FLG: variants seen among roughly 807,000 people sequenced by gnomAD.
FLG encodes the protein epidermal filaggrin.
FLG carries 6 observed loss-of-function variants against 3.8 expected under a neutral mutation model. That is an observed-to-expected ratio of 1.60 (90% CI 0.87 to 3.15). The LOEUF is 3.15. Ranked by LOEUF, FLG falls within the 30% of genes most tolerant of loss-of-function variation. The pLI is 0.00. For missense variants in FLG, 7,595 were observed against 5,050.9 expected (o/e 1.50, Z -15.27); for synonymous variants, 2,551 against 1,931.6 (o/e 1.32, Z -8.41).
Position 152,303,248 on chromosome 1 carries a change from A to G in FLG, c.11638T>C (p.Ser3880Pro), listed in dbSNP as rs746717840. The G allele has an allele frequency of 6.2e-7, 1 of 1,614,000 alleles. No individual in the cohort carries two copies. The highest frequency in any genetic ancestry group is 8.5e-7 in the Non-Finnish European group (1 of 1,179,994). Reference sequence around the variant, plus strand: ...TGATGGTTTCTGGAAGCAGACTCAGATCGCCTCTCAGAGTCCTCTGGGTAT... The same window carrying G: ...TGATGGTTTCTGGAAGCAGACTCAGGTCGCCTCTCAGAGTCCTCTGGGTAT... The part of the protein sequence containing the change: ...EAYPEDSERR[S>P]ESASRNHHGS... The change falls in exon 3 of 3, where the codon TCT becomes CCT. Residue 3880 changes from serine (S) to proline (P), a missense_variant. Transcript: ENST00000368799.
chr1:152,311,705 T>C lies in FLG; in HGVS notation c.3181A>G (p.Ser1061Gly). The change falls in exon 3 of 3, where the codon AGT becomes GGT. Residue 1061 changes from serine (S) to glycine (G), a missense_variant. Transcript: ENST00000368799. ...CTACCACTGGACCCCCAGTGTCCAC[T>C]GTCTCTGACTGCAGATGAAGCTTGT... Reference protein sequence around the residue: ...RRQASSAVRDSGHWGSSGSQA... With the variant: ...RRQASSAVRDGGHWGSSGSQA... The C allele has an allele frequency of 1.9e-6, 3 of 1,614,132 alleles. No homozygotes were observed. Among genetic ancestry groups the C allele is most frequent in the Non-Finnish European group, 2.5e-6 (3 of 1,180,020 alleles).
Position 152,303,031 on chromosome 1 carries a change from C to A in FLG, c.11855G>T (p.Ser3952Ile). The change falls in exon 3 of 3, where the codon AGT becomes ATT. Residue 3952 changes from serine (S) to isoleucine (I), a missense_variant. Transcript: ENST00000368799. ...AGATTGATAATGATAAGAACTAGAA[C>A]TGTGAGGACTGCCACGTGACTGTAT... ...SGIQSRGSPH[S>I]SSSYHYQSEG... 1 of 1,614,180 alleles carries A rather than the reference C, an allele frequency of 6.2e-7. No individual in the cohort carries two copies. Among genetic ancestry groups the A allele is most frequent in the Non-Finnish European group, 8.5e-7 (1 of 1,180,042 alleles).
rs747128121 is a variant in FLG, at chr1:152,313,272, C to T, written c.1614G>A (p.Arg538=). ...TGTGATGGGAACCTGAGTGTCCAGA[C>T]CTATTTACCGATTGCTCGTGGTGGG... is the stretch of plus-strand genomic sequence containing the variant. ...QGSHHEQSVN[R]SGHSGSHHSH... The change falls in exon 3 of 3, where the codon AGG becomes AGA. Residue 538 remains arginine, a synonymous_variant. Coordinates refer to ENST00000368799, the MANE Select transcript of FLG (RefSeq NM_002016.2). 1.9e-6 allele frequency: 3 copies of T among 1,613,834 alleles called. No individual in the cohort carries two copies. The highest frequency in any genetic ancestry group is 1.1e-5 in the South Asian group (1 of 91,052).
chr1:152,307,289 G>A lies in FLG; in HGVS notation c.7597C>T (p.Arg2533Cys), dbSNP rs373225696. The A allele has an allele frequency of 3.4e-5, 55 of 1,613,206 alleles. 1 individual carries two copies. In the Admixed American group the frequency reaches 6.7e-4, roughly 20 times the overall value. Residue 2533 changes from arginine (R) to cysteine (C), a missense_variant, in exon 3 of 3, where the codon CGT becomes TGT. Arg to Cys is a radical substitution (Grantham distance 180). Coordinates refer to ENST00000368799, the MANE Select transcript of FLG (RefSeq NM_002016.2). ...GCCCGAGAGGAAGCTTCATGGTGAC[G>A]CGACCCTGAGTGCCTGGAGCCGTCT... ...SGDGSRHSGS[R>C]HHEASSRADS... is the part of the protein sequence containing the mutation.
At position 152,313,747 on chromosome 1, in the gene FLG, G is replaced by C. The variant is rs766801929; in HGVS notation, c.1139C>G (p.Pro380Arg). Residue 380 changes from proline (P) to arginine (R), a missense_variant, in exon 3 of 3, where the codon CCA (proline) becomes CGA (arginine). Physicochemically the swap from Pro to Arg is moderately radical, Grantham distance 103. Transcript: ENST00000368799. Reference protein sequence around the residue: ...ASSHEQARSSPGERHGSGHQQ... With the variant: ...ASSHEQARSSRGERHGSGHQQ... ...GTGGCCGGATCCATGTCTTTCTCCT[G>C]GACTTGATCTTGCCTGTTCATGGGA... The C allele has an allele frequency of 3.7e-6, 6 of 1,614,086 alleles. No individual in the cohort carries two copies. The South Asian group carries it at 6.6e-5, about 18-fold the overall frequency.
In FLG at chr1:152,302,805, A is replaced by G; in HGVS notation, c.12081T>C (p.Tyr4027=). ...GGTCCTTATTAATATACGTTGCATAATACCTTGGATGATCTTTACCAAACG... is the reference window on the plus strand; with the variant it reads ...GGTCCTTATTAATATACGTTGCATAGTACCTTGGATGATCTTTACCAAACG... The part of the protein sequence containing the change: ...ASAFGKDHPR[Y]YATYINKDPG... Residue 4027 remains tyrosine, a synonymous_variant, in exon 3 of 3, where the codon TAT becomes TAC. Transcript: ENST00000368799. 2 of 1,614,204 alleles carry G rather than the reference A, an allele frequency of 1.2e-6. No homozygotes were observed. The highest frequency in any genetic ancestry group is 1.1e-5 in the South Asian group (1 of 91,072).
Position 152,313,063 on chromosome 1 carries a change from G to C in FLG, c.1823C>G (p.Ser608Ter). Residue 608 changes from serine (S) to a stop codon, truncating the protein, a stop_gained, in exon 3 of 3, where the codon TCA becomes TGA. Transcript: ENST00000368799. LOFTEE classifies it low-confidence loss of function (END_TRUNC). ...SRHSQVGQGQ[S>*]SGPRTSRNQG... ...GTTCCTACTTGTCCTGGGCCCCGATGATTGTCCCTGGCCCACCTGTGAGTG... is the reference window on the plus strand; with the variant it reads ...GTTCCTACTTGTCCTGGGCCCCGATCATTGTCCCTGGCCCACCTGTGAGTG... 3.1e-6 allele frequency: 5 copies of C among 1,613,968 alleles called. No homozygotes were observed. Among genetic ancestry groups the C allele is most frequent in the Non-Finnish European group, 4.2e-6 (5 of 1,180,012 alleles).
rs984913795 is a variant in FLG, at chr1:152,312,298, C to G, written c.2588G>C (p.Arg863Thr). Residue 863 changes from arginine to threonine, a missense_variant, in exon 3 of 3, where the codon AGG (arginine) becomes ACG (threonine). Physicochemically the swap from Arg to Thr is moderately conservative, Grantham distance 71. Transcript: ENST00000368799. Reference protein sequence around the residue: ...QGSHHEQSVDRSGHSGSHHSH... With the variant: ...QGSHHEQSVDTSGHSGSHHSH... ...GTGATGGGACCCTGAGTGTCCAGACCTATCTACCGATTGCTCGTGGTGGGA... is the reference window on the plus strand; with the variant it reads ...GTGATGGGACCCTGAGTGTCCAGACGTATCTACCGATTGCTCGTGGTGGGA... 4.7e-5 allele frequency: 76 copies of G among 1,613,612 alleles called. No homozygotes were observed. The highest frequency in any genetic ancestry group is 6.3e-5 in the Non-Finnish European group (74 of 1,179,924).
Position 152,311,825 on chromosome 1 carries a change from A to G in FLG, c.3061T>C (p.Ser1021Pro), listed in dbSNP as rs1250514568. ...ETSSGGQAASSHEQARSSPGE... is the reference protein window; with the variant it reads ...ETSSGGQAASPHEQARSSPGE... ...GGACTTGATCTTGCCTGTTCATGGG[A>G]TGACGCAGCCTGTCCACCAGAGGAA... The change falls in exon 3 of 3, where the codon TCC (serine) becomes CCC (proline). Residue 1021 changes from serine to proline, a missense_variant. By Grantham distance (74) the Ser-to-Pro change is moderately conservative (BLOSUM62 -1). Coordinates refer to ENST00000368799, the MANE Select transcript of FLG (RefSeq NM_002016.2). 6.2e-7 allele frequency: 1 copy of G among 1,613,800 alleles called. No homozygotes were observed. Among genetic ancestry groups the G allele is most frequent in the African/African-American group, 1.3e-5 (1 of 74,826 alleles).
At position 152,304,444 on chromosome 1, in the gene FLG, C is replaced by A. The variant is rs1312689567; in HGVS notation, c.10442G>T (p.Gly3481Val). ...AGTTTGTCTGCTGGCACTTCTGGAT[C>A]CTGACTGCCCACGGGAGGCATCAGA... ...GRSDASRGQS[G>V]SRSASRQTRN... The change falls in exon 3 of 3, where the codon GGA becomes GTA. Residue 3481 changes from glycine to valine, a missense_variant. By Grantham distance (109) the Gly-to-Val change is moderately radical. Coordinates refer to ENST00000368799, the MANE Select transcript of FLG (RefSeq NM_002016.2). The A allele has an allele frequency of 1.9e-6, 3 of 1,612,176 alleles. No individual in the cohort carries two copies. The highest frequency in any genetic ancestry group is 2.5e-6 in the Non-Finnish European group (3 of 1,179,330).
In FLG at chr1:152,314,692, T is replaced by C. The variant is rs145346832; in HGVS notation, c.194A>G (p.His65Arg). Residue 65 changes from histidine (H) to arginine (R), a missense_variant, in exon 3 of 3, where the codon CAC becomes CGC. His to Arg is a conservative substitution (Grantham distance 29, BLOSUM62 0). Coordinates refer to ENST00000368799, the MANE Select transcript of FLG (RefSeq NM_002016.2). ...CTCAGTGAAGTCAATTTTCTTGTTG[T>C]GGTCTATATCCAAGTGATCCATGAA... ...DVFMDHLDIDHNKKIDFTEFL... is the reference protein window; with the variant it reads ...DVFMDHLDIDRNKKIDFTEFL... 4.0e-5 allele frequency: 64 copies of C among 1,613,922 alleles called. No homozygotes were observed. The Middle Eastern group carries it at 8.2e-4, about 21-fold the overall frequency.
In FLG at chr1:152,310,599, G is replaced by T; in HGVS notation, c.4287C>A (p.Gly1429=). Residue 1429 remains glycine, a synonymous_variant, in exon 3 of 3, where the codon GGC becomes GGA. Transcript: ENST00000368799. Reference sequence around the variant, plus strand: ...AACGTCCAGAGCTTTCCCCTGACTGGCCACGTGCGGACTCTTTGTGGCTCT... The same window carrying T: ...AACGTCCAGAGCTTTCCCCTGACTGTCCACGTGCGGACTCTTTGTGGCTCT... ...HQQSHKESAR[G]QSGESSGRSR... 8 of 1,613,896 alleles carry T rather than the reference G, an allele frequency of 5.0e-6. No individual in the cohort carries two copies. Among genetic ancestry groups the T allele is most frequent in the Non-Finnish European group, 6.8e-6 (8 of 1,179,952 alleles).
Position 152,312,466 on chromosome 1 carries a change from T to C in FLG, c.2420A>G (p.His807Arg), listed in dbSNP as rs199711523. 4 of 1,613,654 alleles carry C rather than the reference T, an allele frequency of 2.5e-6. No homozygotes were observed. Among genetic ancestry groups the C allele is most frequent in the Non-Finnish European group, 3.4e-6 (4 of 1,179,888 alleles). ...TCCAGTGCTGGGCCCTGTCCATCCA[T>C]GGGAGGACTCAGACTGTTTATGAGT... ...VSTHKQSESS[H>R]GWTGPSTGVR... The change falls in exon 3 of 3, where the codon CAT (histidine) becomes CGT (arginine). Residue 807 changes from histidine to arginine, a missense_variant. By Grantham distance (29) the His-to-Arg change is conservative (BLOSUM62 0). Coordinates refer to ENST00000368799, the MANE Select transcript of FLG (RefSeq NM_002016.2).
rs200002200 is a variant in FLG at position 152,308,777 on chromosome 1, G to C, written c.6109C>G (p.Arg2037Gly). 2 of 1,613,980 alleles carry C rather than the reference G, an allele frequency of 1.2e-6. No individual in the cohort carries two copies. Among genetic ancestry groups the C allele is most frequent in the Non-Finnish European group, 8.5e-7 (1 of 1,180,010 alleles). The change falls in exon 3 of 3, where the codon CGA becomes GGA. Residue 2037 changes from arginine to glycine, a missense_variant. Coordinates refer to ENST00000368799, the MANE Select transcript of FLG (RefSeq NM_002016.2). ...ASSAVRDSGH[R>G]GYSGSQASDS... Reference sequence around the variant, plus strand: ...CTGGCCTGACTACCACTGTACCCTCGGTGTCCACTGTCTCTGACTGCAGAT... The same window carrying C: ...CTGGCCTGACTACCACTGTACCCTCCGTGTCCACTGTCTCTGACTGCAGAT...
At chr1:152,315,168 G>T (rs1652739085) in intron 2 of FLG, 151 bp downstream of exon 2, 1 of 742,594 alleles carries the variant, frequency 1.3e-6, no homozygotes, top group Non-Finnish European at 2.2e-6. Context: ...CAGGTATAGG[G>T]GAAGAAAATA....
rs1241942224 is a variant in FLG at position 152,303,051 on chromosome 1, C to A, written c.11835G>T (p.Gln3945His). The change falls in exon 3 of 3, where the codon CAG (glutamine) becomes CAT (histidine). Residue 3945 changes from glutamine (Q) to histidine (H), a missense_variant. By Grantham distance (24) the Gln-to-His change is conservative. Coordinates refer to ENST00000368799, the MANE Select transcript of FLG (RefSeq NM_002016.2). ...SQDSAYHSGI[Q>H]SRGSPHSSSS... ...TAGAACTGTGAGGACTGCCACGTGA[C>A]TGTATTCCTGAGTGATACGCAGAAT... 6.2e-6 allele frequency: 10 copies of A among 1,614,178 alleles called. No homozygotes were observed. Among genetic ancestry groups the A allele is most frequent in the Non-Finnish European group, 8.5e-6 (10 of 1,180,040 alleles).
chr1:152,303,227 G>C lies in FLG; in HGVS notation c.11659C>G (p.His3887Asp), dbSNP rs1446036899. ...ERRSESASRN[H>D]HGSSREQSRD... ...GACTGCTCCCGAGAAGATCCATGAT[G>C]GTTTCTGGAAGCAGACTCAGATCGC... Residue 3887 changes from histidine (H) to aspartate (D), a missense_variant, in exon 3 of 3, where the codon CAT becomes GAT. By Grantham distance (81) the His-to-Asp change is moderately conservative (BLOSUM62 -1). Coordinates refer to ENST00000368799, the MANE Select transcript of FLG (RefSeq NM_002016.2). 1 of 1,613,952 alleles carries C rather than the reference G, an allele frequency of 6.2e-7. No individual in the cohort carries two copies. Among genetic ancestry groups the C allele is most frequent in the African/African-American group, 1.3e-5 (1 of 74,894 alleles).
Position 152,314,127 on chromosome 1 carries a change from T to G in FLG, c.759A>C (p.Glu253Asp). Residue 253 changes from glutamate to aspartate, a missense_variant, in exon 3 of 3, where the codon GAA becomes GAC. By Grantham distance (45) the Glu-to-Asp change is conservative (BLOSUM62 2). Coordinates refer to ENST00000368799, the MANE Select transcript of FLG (RefSeq NM_002016.2). ...ACCTTGATCTTTCATATATTTTGTT[T>G]TCTTCTAATAGACTATCAGTGGTGT... ...AYDTTDSLLE[E>D]NKIYERSRSS... 1 of 1,614,230 alleles carries G rather than the reference T, an allele frequency of 6.2e-7. No individual in the cohort carries two copies. Among genetic ancestry groups the G allele is most frequent in the Non-Finnish European group, 8.5e-7 (1 of 1,180,028 alleles).
At position 152,308,407 on chromosome 1, in the gene FLG, C is replaced by A. The variant is rs1477132571; in HGVS notation, c.6479G>T (p.Arg2160Met). Residue 2160 changes from arginine to methionine, a missense_variant, in exon 3 of 3, where the codon AGG becomes ATG. Arg to Met is a moderately conservative substitution (Grantham distance 91). Coordinates refer to ENST00000368799, the MANE Select transcript of FLG (RefSeq NM_002016.2). ...GTGATGAGACCCTGAGTGTCCAGAC[C>A]TATCTACCGATTGCTCTTGGTGGGA... Reference protein sequence around the residue: ...QGSHQEQSVDRSGHSGSHHSH... With the variant: ...QGSHQEQSVDMSGHSGSHHSH... 2 of 1,613,770 alleles carry A rather than the reference C, an allele frequency of 1.2e-6. No individual in the cohort carries two copies. Among genetic ancestry groups the A allele is most frequent in the Non-Finnish European group, 1.7e-6 (2 of 1,179,938 alleles).
Sources: gnomAD v4.1 joint callset for allele counts on GRCh38, gnomAD v4.1.1 for gene constraint, MANE v1.5 for transcripts, NCBI Gene and HGNC (gene_info 2026-07-23, HGNC 2026-07-21) for gene names.